The following PRKCA variants were observed in gnomAD, a reference collection of about 807,000 sequenced individuals.
The protein encoded by PRKCA is protein kinase C alpha.
Under a neutral mutation model 87.0 loss-of-function variants are expected in PRKCA, and 27 were observed. The observed-to-expected ratio is 0.31, with a 90% CI of 0.23 to 0.43. The LOEUF is 0.43. Ranked by LOEUF, PRKCA falls within the 20% of genes least tolerant of loss-of-function variation. The pLI is 1.00. For synonymous variants in PRKCA, 329 were observed against 311.1 expected, an observed-to-expected ratio of 1.06 and a Z score of -0.61; for missense variants, 518 against 852.3, an observed-to-expected ratio of 0.61 and a Z score of 4.88.
chr17:66,653,459 T>C (rs59552245), intron 5 of PRKCA, among the ~76,000 whole-genome samples: 19,779 of 151,944 alleles, frequency 0.13, 2,327 homozygotes, highest in African/African-American at 0.32. Context: ...GATGTGGTGG[T>C]GTGCACTTGT....
At chr17:66,398,110 G>C (rs1180244752) in intron 2 of PRKCA, 1 of 152,120 alleles carries the variant, frequency 6.6e-6, no homozygotes, top group African/African-American at 2.4e-5. Flanking sequence ...TCAAAACTCA[G>C]AGTGTTTAGG....
chr17:66,765,389 C>T (rs781388070), intron 13 of PRKCA, among the ~76,000 whole-genome samples: 14 of 116,182 alleles, frequency 1.2e-4, no homozygotes, highest in Admixed American at 5.9e-4. Flanking sequence ...TCACTGCATT[C>T]CGGCCTGGTC....
At chr17:66,490,742 T>C (rs563641153) in intron 2 of PRKCA, among the ~76,000 whole-genome samples, 2 of 152,022 alleles carry the variant, frequency 1.3e-5, no homozygotes, top group East Asian at 1.9e-4. Flanking sequence ...CACTATGCCT[T>C]GCTAATTTTT....
Position 66,302,747 on chromosome 17 carries a change from G to A in PRKCA, c.-105G>A. 1 of 913,534 alleles carries A rather than the reference G, an allele frequency of 1.1e-6. No individual in the cohort carries two copies. Among genetic ancestry groups the A allele is most frequent in the Non-Finnish European group, 1.3e-6 (1 of 741,434 alleles). 56.6% of individuals were successfully genotyped at this position (913,534 alleles called of 1,614,324 possible). A position where few individuals can be genotyped will look rare whatever the true frequency, so the allele number is the denominator to read the frequency against. On this transcript the variant is annotated 5_prime_UTR_variant, in exon 1 of 17. Coordinates refer to ENST00000413366, the MANE Select transcript of PRKCA (RefSeq NM_002737.3). ...CCTCGGCCACCGGCCCGCGCCCCGC[G>A]CCCGGGGTCGCCCCGAGCCCGCACC...
chr17:66,438,321 G>A (rs55843731), intron 2 of PRKCA, among the ~76,000 whole-genome samples: 9,641 of 151,562 alleles, frequency 0.064, 364 homozygotes, highest in African/African-American at 0.089. Flanking sequence ...GCATTTCAGT[G>A]TCTCTTGCCA....
intron 3 of PRKCA, among the ~76,000 whole-genome samples, chr17:66,608,995 C>G (rs1009437256): frequency 6.6e-6 from 1 of 152,182 alleles, no homozygotes; most frequent in East Asian, 1.9e-4. Context: ...GGAAGGCGAA[C>G]GAGGCCATGC....
At chr17:66,645,630 C>T in intron 5 of PRKCA, 119 bp downstream of exon 5, 1 of 1,419,244 alleles carries the variant, frequency 7.0e-7, no homozygotes, top group Non-Finnish European at 9.6e-7. Flanking sequence ...GAGGCAGTCG[C>T]CCTGGTGGAG....
intron 2 of PRKCA, among the ~76,000 whole-genome samples, chr17:66,476,926 A>C (rs1453346073): frequency 6.6e-6 from 1 of 152,226 alleles, no homozygotes; most frequent in Non-Finnish European, 1.5e-5. Context: ...CTTCACGTAC[A>C]TCATCCTGTC....
intron 16 of PRKCA, among the ~76,000 whole-genome samples, chr17:66,802,416 T>G (rs1052015581): frequency 6.6e-6 from 1 of 151,834 alleles, no homozygotes; most frequent in Non-Finnish European, 1.5e-5. Flanking sequence ...TCCCAGCTAC[T>G]CGGGAGGCTG....
chr17:66,706,091 C>G (rs1043433803), intron 8 of PRKCA, among the ~76,000 whole-genome samples: 2 of 152,110 alleles, frequency 1.3e-5, no homozygotes, highest in African/African-American at 4.8e-5. Flanking sequence ...CCCAGCCCAG[C>G]CTCTGACCCA....
At chr17:66,443,826 G>A (rs372705246) in intron 2 of PRKCA, among the ~76,000 whole-genome samples, 2 of 152,286 alleles carry the variant, frequency 1.3e-5, no homozygotes, top group African/African-American at 4.8e-5. Flanking sequence ...TGCTTGCAGA[G>A]GCAGTGAATT....
intron 3 of PRKCA, among the ~76,000 whole-genome samples, chr17:66,555,462 C>T (rs1006227467): frequency 3.3e-5 from 5 of 152,212 alleles, no homozygotes; most frequent in East Asian, 1.9e-4. Flanking sequence ...TTGTGCCACA[C>T]GCTTCCCCAC....
intron 2 of PRKCA, chr17:66,415,188 T>G (rs1343240911): frequency 6.6e-6 from 1 of 152,222 alleles, no homozygotes; most frequent in Non-Finnish European, 1.5e-5. Context: ...CTGCTGACTT[T>G]AAATTCAGCA....
Position 66,579,416 on chromosome 17 carries a change from C to T in PRKCA, c.289-61939C>T, listed in dbSNP as rs368618881. ...AGTCGTGATGGGAAAATGAGGATGA[C>T]GGTAGCAGTGGGTAGGGGTCAGAGG... On this transcript the variant is annotated intron_variant, in intron 3 of 16. Transcript: ENST00000413366. Among the ~76,000 whole-genome samples the T allele has an allele frequency of 7.8e-4, 119 of 152,248 alleles. 1 individual carries two copies. The highest frequency in any genetic ancestry group is 2.5e-3 in the African/African-American group (105 of 41,550).
chr17:66,521,459 G>A (rs558223819), intron 3 of PRKCA, among the ~76,000 whole-genome samples: 35 of 152,124 alleles, frequency 2.3e-4, no homozygotes, highest in Non-Finnish European at 4.7e-4. Flanking sequence ...TGCTTTTCAC[G>A]CTTAACTTTT....
At chr17:66,458,537 G>A (rs1598689857) in intron 2 of PRKCA, among the ~76,000 whole-genome samples, 4 of 151,434 alleles carry the variant, frequency 2.6e-5, no homozygotes, top group Admixed American at 2.6e-4. Flanking sequence ...CTGGAGTGTA[G>A]TGGTGCACTC....
At chr17:66,520,842 A>C (rs1456072752) in intron 3 of PRKCA, among the ~76,000 whole-genome samples, 1 of 152,228 alleles carries the variant, frequency 6.6e-6, no homozygotes, top group South Asian at 2.1e-4. Flanking sequence ...AAATGACTCC[A>C]GTACCACTTG....
At chr17:66,390,501 A>G (rs1011295990) in intron 2 of PRKCA, among the ~76,000 whole-genome samples, 2 of 152,184 alleles carry the variant, frequency 1.3e-5, no homozygotes, top group African/African-American at 4.8e-5. Context: ...AGCCATTTCC[A>G]CAGATGTGTT....
At chr17:66,656,522 A>G (rs1049943120) in intron 5 of PRKCA, among the ~76,000 whole-genome samples, 1 of 98,766 alleles carries the variant, frequency 1.0e-5, no homozygotes, top group African/African-American at 4.4e-5. Context: ...AATTATTGCA[A>G]GGAACTTTAT....
Sources: allele counts gnomAD v4.1 joint callset (sites outside exome capture counted in the v4.1 genomes callset), GRCh38; gene constraint gnomAD v4.1.1; transcripts MANE v1.5; gene names NCBI Gene and HGNC (gene_info 2026-07-23, HGNC 2026-07-21).